Variants in CTNNA3 observed in about 807,000 individuals in gnomAD.
CTNNA3 encodes the protein catenin alpha 3, also known as catenin alpha-3.
Under a neutral mutation model 95.7 loss-of-function variants are expected in CTNNA3, and 76 were observed. The ratio of observed to expected loss-of-function variants is 0.79; its 90% CI spans 0.66 to 0.96. CTNNA3 has a LOEUF of 0.96. Among genes scored for constraint, CTNNA3 ranks in the 40% least tolerant of loss-of-function variants. The pLI is 0.00. For synonymous variants in CTNNA3, 431 were observed against 374.4 expected (o/e 1.15, Z -1.74); for missense variants, 1,191 against 1,089.8 (o/e 1.09, Z -1.31).
At chr10:67,176,163 G>A (rs960764896) in intron 7 of CTNNA3, among the ~76,000 whole-genome samples, 6 of 152,118 alleles carry the variant, frequency 3.9e-5, no homozygotes, top group Non-Finnish European at 8.8e-5. Context: ...TCCAAATGCA[G>A]AGATTAAGAT....
intron 14 of CTNNA3, among the ~76,000 whole-genome samples, chr10:66,089,771 T>C (rs1185992564): frequency 6.6e-6 from 1 of 151,394 alleles, no homozygotes; most frequent in Non-Finnish European, 1.5e-5. Flanking sequence ...TATATATATA[T>C]ATATTACTAA....
At chr10:66,669,813 G>A (rs940765123) in intron 9 of CTNNA3, among the ~76,000 whole-genome samples, 2 of 152,108 alleles carry the variant, frequency 1.3e-5, no homozygotes, top group African/African-American at 4.8e-5. Context: ...TATTGTCAAT[G>A]TATAGTTAAT....
intron 7 of CTNNA3, among the ~76,000 whole-genome samples, chr10:67,019,281 T>C (rs1171836461): frequency 3.9e-5 from 6 of 152,172 alleles, no homozygotes; most frequent in African/African-American, 1.4e-4. Context: ...TGTAATGGCG[T>C]TATCTTGGCT....
At chr10:66,437,270 T>C (rs1462114559) in intron 11 of CTNNA3, among the ~76,000 whole-genome samples, 1 of 152,170 alleles carries the variant, frequency 6.6e-6, no homozygotes, top group Non-Finnish European at 1.5e-5. Flanking sequence ...CTGGATAACA[T>C]CCTGAAGCGT....
At chr10:66,501,397 A>G (rs548352485) in intron 11 of CTNNA3, among the ~76,000 whole-genome samples, 21 of 152,244 alleles carry the variant, frequency 1.4e-4, no homozygotes, top group African/African-American at 5.1e-4. Context: ...GTCTTTCCCA[A>G]CAGAACCTAT....
intron 1 of CTNNA3, among the ~76,000 whole-genome samples, chr10:67,673,700 A>T (rs559832603): frequency 2.7e-5 from 4 of 149,502 alleles, no homozygotes; most frequent in Non-Finnish European, 5.9e-5. Flanking sequence ...CTTGCATCCC[A>T]GGGATGAAGC....
At chr10:66,328,884 A>T (rs1043429956) in intron 12 of CTNNA3, among the ~76,000 whole-genome samples, 1 of 139,588 alleles carries the variant, frequency 7.2e-6, no homozygotes, top group Non-Finnish European at 1.5e-5. Context: ...GGATAAATTC[A>T]TACACATACA....
At chr10:66,161,807 G>A (rs999587007) in intron 13 of CTNNA3, among the ~76,000 whole-genome samples, 1 of 152,090 alleles carries the variant, frequency 6.6e-6, no homozygotes, top group African/African-American at 2.4e-5. Context: ...CGAATTTTTG[G>A]AATTCTCTTC....
chr10:67,351,725 A>G (rs913071895), intron 5 of CTNNA3, among the ~76,000 whole-genome samples: 2 of 151,898 alleles, frequency 1.3e-5, no homozygotes, highest in African/African-American at 4.8e-5. Flanking sequence ...GGAATTTGTG[A>G]CTTCCTGTTA....
intron 2 of CTNNA3, among the ~76,000 whole-genome samples, chr10:67,639,637 A>T (rs1231710057): frequency 6.8e-6 from 1 of 147,892 alleles, no homozygotes; most frequent in East Asian, 1.9e-4. Flanking sequence ...ATCCAGCAAC[A>T]CATCAAAAAC....
At chr10:66,311,710 C>T (rs1488711376) in intron 12 of CTNNA3, among the ~76,000 whole-genome samples, 1 of 152,148 alleles carries the variant, frequency 6.6e-6, no homozygotes, top group African/African-American at 2.4e-5. Flanking sequence ...AGAAAGATAC[C>T]ACAACTAAAA....
chr10:66,756,539 C>T (rs2132748378), intron 9 of CTNNA3, among the ~76,000 whole-genome samples: 1 of 152,162 alleles, frequency 6.6e-6, no homozygotes, highest in Middle Eastern at 3.4e-3. Context: ...GTATACACAG[C>T]TACAGATTTA....
chr10:66,128,969 C>CA (rs548146984), intron 13 of CTNNA3, among the ~76,000 whole-genome samples: 6,857 of 147,344 alleles, frequency 0.047, 203 homozygotes, highest in African/African-American at 0.049. Context: ...AAACAAAAAA[C>CA]AAAAAAAAAA....
chr10:66,940,330 C>T (rs1182319675), intron 7 of CTNNA3, among the ~76,000 whole-genome samples: 1 of 151,646 alleles, frequency 6.6e-6, no homozygotes, highest in South Asian at 2.1e-4. Context: ...CTCATCTCTA[C>T]AAAAAATGAA....
intron 7 of CTNNA3, among the ~76,000 whole-genome samples, chr10:66,903,866 AT>A (rs1845866369): frequency 6.6e-6 from 1 of 152,214 alleles, no homozygotes; most frequent in Non-Finnish European, 1.5e-5. Flanking sequence ...CCACTGCTCA[AT>A]TAAATAAAAC....
At position 66,276,216 on chromosome 10, in the gene CTNNA3, A is replaced by G. The variant is rs1589914371; in HGVS notation, c.1884+4254T>C. On this transcript the variant is annotated intron_variant, in intron 13 of 17. Coordinates refer to ENST00000433211, the MANE Select transcript of CTNNA3 (RefSeq NM_013266.4). ...ACTTGAGTTATGGACCTGAAAATCTACACACTTGGCTTTGGAAAGTATCTC... is the reference window on the plus strand; with the variant it reads ...ACTTGAGTTATGGACCTGAAAATCTGCACACTTGGCTTTGGAAAGTATCTC... Among the ~76,000 whole-genome samples the G allele has an allele frequency of 2.6e-5, 4 of 152,166 alleles. No individual in the cohort carries two copies. The South Asian group carries it at 8.3e-4, about 31-fold the overall frequency.
At chr10:66,983,671 G>T (rs1030025806) in intron 7 of CTNNA3, among the ~76,000 whole-genome samples, 2 of 152,152 alleles carry the variant, frequency 1.3e-5, no homozygotes, top group South Asian at 2.1e-4. Flanking sequence ...CTTCAGAAAT[G>T]ACCTCAGGTG....
intron 1 of CTNNA3, among the ~76,000 whole-genome samples, chr10:67,674,768 T>C (rs1840505273): frequency 1.3e-5 from 2 of 152,186 alleles, no homozygotes; most frequent in African/African-American, 2.4e-5. Context: ...CTTGTATTCT[T>C]CACCTGTTTT....
At chr10:66,115,589 A>ATAGAGT (rs2082308772) in intron 13 of CTNNA3, among the ~76,000 whole-genome samples, 1 of 108,684 alleles carries the variant, frequency 9.2e-6, no homozygotes, top group East Asian at 2.9e-4. Context: ...TGATAGATAG[A>ATAGAGT]TAGAGATAGA....
Sources: gnomAD v4.1 joint callset for allele counts (sites outside exome capture counted in the v4.1 genomes callset) on GRCh38, gnomAD v4.1.1 for gene constraint, MANE v1.5 for transcripts, NCBI Gene and HGNC (gene_info 2026-07-23, HGNC 2026-07-21) for gene names.